PCDHGA9: variants seen among roughly 807,000 people sequenced by gnomAD.
PCDHGA9 encodes protocadherin gamma subfamily A, 9.
In PCDHGA9, 37 loss-of-function variants were observed where a neutral mutation model predicts 62.5. The observed-to-expected ratio is 0.59, with a 90% CI of 0.46 to 0.78. The LOEUF is 0.78. PCDHGA9 is among the 30% of genes least tolerant of loss of function. The pLI is 0.00. For missense variants in PCDHGA9, 1,138 were observed against 1,166.2 expected, an observed-to-expected ratio of 0.98 and a Z score of 0.35; for synonymous variants, 459 against 484.6, an observed-to-expected ratio of 0.95 and a Z score of 0.69.
At chr5:141,412,591 A>G (rs2095564760) in intron 1 of PCDHGA9, 1 of 152,214 alleles carries the variant, frequency 6.6e-6, no homozygotes, top group Non-Finnish European at 1.5e-5. Flanking sequence ...ATGAATGTAT[A>G]CTAAATAAAA....
intron 1 of PCDHGA9, chr5:141,408,352 C>T: frequency 6.2e-7 from 1 of 1,613,918 alleles, no homozygotes; most frequent in South Asian, 1.1e-5. Flanking sequence ...TGGGGAACCT[C>T]GCTAAGGATC....
At chr5:141,450,599 G>T (rs569531886) in intron 1 of PCDHGA9, among the ~76,000 whole-genome samples, 11 of 150,286 alleles carry the variant, frequency 7.3e-5, no homozygotes, top group African/African-American at 2.7e-4. Flanking sequence ...CAATTCTCCT[G>T]CCTCAGCCTC....
intron 1 of PCDHGA9, chr5:141,423,189 T>A (rs2096719374): frequency 1.2e-6 from 2 of 1,613,562 alleles, no homozygotes; most frequent in Non-Finnish European, 8.5e-7. Flanking sequence ...GCCAGCCCCC[T>A]CTCTCGGCCA....
chr5:141,418,928 A>G, intron 1 of PCDHGA9: 1 of 1,613,978 alleles, frequency 6.2e-7, no homozygotes, highest in Non-Finnish European at 8.5e-7. Context: ...TGATCAGATT[A>G]TGGAGGATTC....
intron 1 of PCDHGA9, chr5:141,420,902 A>T (rs1202945278): frequency 3.4e-6 from 1 of 293,976 alleles, no homozygotes; most frequent in Non-Finnish European, 6.3e-6. Context: ...TAAGCTCTAC[A>T]AATACGTGTG....
chr5:141,418,178 G>A, intron 1 of PCDHGA9: 1 of 1,614,080 alleles, frequency 6.2e-7, no homozygotes, highest in Non-Finnish European at 8.5e-7. Flanking sequence ...GTTGCAATTG[G>A]AAGCTGTGGT....
chr5:141,489,894 G>A lies in PCDHGA9; in HGVS notation c.2425-4913G>A, dbSNP rs942456058. 33 of 1,614,204 alleles carry A rather than the reference G, an allele frequency of 2.0e-5. No individual in the cohort carries two copies. The highest frequency in any genetic ancestry group is 2.4e-5 in the Non-Finnish European group (28 of 1,180,028). Reference sequence around the variant, plus strand: ...TGGTGCTTACTGCTGTGGATGGGGGGACCCCAGCCCGCTCAGGGACCACCC... The same window carrying A: ...TGGTGCTTACTGCTGTGGATGGGGGAACCCCAGCCCGCTCAGGGACCACCC... On this transcript the variant is annotated intron_variant, in intron 1 of 3. Coordinates refer to ENST00000573521, the MANE Select transcript of PCDHGA9 (RefSeq NM_018921.3). This position sits in a 1 kb window ranked among gnomAD's most constrained non-coding sequence, Gnocchi z 4.5.
At chr5:141,422,007 T>A in intron 1 of PCDHGA9, 1 of 1,609,966 alleles carries the variant, frequency 6.2e-7, no homozygotes, top group Non-Finnish European at 8.5e-7. Context: ...GCTCCGGAAC[T>A]CGGGTGCTGA....
chr5:141,483,456 G>T (rs2099581503), intron 1 of PCDHGA9, among the ~76,000 whole-genome samples: 1 of 152,180 alleles, frequency 6.6e-6, no homozygotes, highest in Admixed American at 6.5e-5. Context: ...ATCAGGACTT[G>T]TTGATTGACA....
At chr5:141,472,359 G>T (rs2099278248) in intron 1 of PCDHGA9, among the ~76,000 whole-genome samples, 1 of 151,944 alleles carries the variant, frequency 6.6e-6, no homozygotes, top group Admixed American at 6.6e-5. Flanking sequence ...GGCTAACACG[G>T]TGAAACCCCG....
At chr5:141,408,202 G>C (rs778320550) in intron 1 of PCDHGA9, 8 of 1,549,950 alleles carry the variant, frequency 5.2e-6, no homozygotes, top group South Asian at 3.6e-5. Context: ...CCGAGCGAAC[G>C]ATGGGAGGGA....
At chr5:141,413,338 G>A in intron 1 of PCDHGA9, 1 of 1,613,980 alleles carries the variant, frequency 6.2e-7, no homozygotes, top group African/African-American at 1.3e-5. Context: ...CATCTCCAAG[G>A]ACTTGGGTCT....
At chr5:141,409,755 G>C (rs2095312141) in intron 1 of PCDHGA9, 1 of 1,613,024 alleles carries the variant, frequency 6.2e-7, no homozygotes, top group Non-Finnish European at 8.5e-7. Flanking sequence ...TTCGCGCAGC[G>C]CGCCTTTGAT....
chr5:141,484,883 G>GCC (rs1231530221), intron 1 of PCDHGA9: 2 of 352,506 alleles, frequency 5.7e-6, no homozygotes, highest in Admixed American at 9.0e-5. Flanking sequence ...GATAGGGTGG[G>GCC]CTTTTTCCCC....
At chr5:141,456,897 A>G (rs1351271896) in intron 1 of PCDHGA9, among the ~76,000 whole-genome samples, 2 of 152,178 alleles carry the variant, frequency 1.3e-5, no homozygotes, top group Admixed American at 1.3e-4. Context: ...CGGGAGGCAG[A>G]GGTTGCAGTG....
At chr5:141,497,077 G>A (rs191605427) in intron 2 of PCDHGA9, among the ~76,000 whole-genome samples, 4 of 151,990 alleles carry the variant, frequency 2.6e-5, no homozygotes, top group East Asian at 3.9e-4. Flanking sequence ...TAATCCCAGC[G>A]ACTTAGGAGG....
rs1421497518 is a variant in PCDHGA9 at position 141,431,979 on chromosome 5, A to G, written c.2424+26603A>G. ...GGAAATTACTATAGTTTAGTCACAGACATAGTCTTGGATAGGGAACAGGTT... is the reference window on the plus strand; with the variant it reads ...GGAAATTACTATAGTTTAGTCACAGGCATAGTCTTGGATAGGGAACAGGTT... On this transcript the variant is annotated intron_variant, in intron 1 of 3. Coordinates refer to ENST00000573521, the MANE Select transcript of PCDHGA9 (RefSeq NM_018921.3). This position sits in a 1 kb window ranked among gnomAD's most constrained non-coding sequence, Gnocchi z 4.8. 6.2e-7 allele frequency: 1 copy of G among 1,614,078 alleles called. No homozygotes were observed. The highest frequency in any genetic ancestry group is 1.3e-5 in the African/African-American group (1 of 74,932).
At position 141,431,413 on chromosome 5, in the gene PCDHGA9, C is replaced by A; in HGVS notation, c.2424+26037C>A. ...TGGTCCTTACGGCCTCCGACGGGGG[C>A]GACCCGGTGCGCACAGGCACCGCGC... On this transcript the variant is annotated intron_variant, in intron 1 of 3. Transcript: ENST00000573521. This position sits in a 1 kb window ranked among gnomAD's most constrained non-coding sequence, Gnocchi z 4.8. The A allele has an allele frequency of 6.2e-7, 1 of 1,613,682 alleles. No homozygotes were observed. Among genetic ancestry groups the A allele is most frequent in the Non-Finnish European group, 8.5e-7 (1 of 1,180,044 alleles).
chr5:141,475,572 C>T (rs2099365596), intron 1 of PCDHGA9, among the ~76,000 whole-genome samples: 1 of 152,214 alleles, frequency 6.6e-6, no homozygotes, highest in South Asian at 2.1e-4. Context: ...TTCCAACAAG[C>T]CAGATTTGTT....
Sources: allele counts gnomAD v4.1 joint callset (sites outside exome capture counted in the v4.1 genomes callset), GRCh38; gene constraint gnomAD v4.1.1; non-coding constraint Gnocchi (gnomAD v3.1); transcripts MANE v1.5; gene names NCBI Gene and HGNC (gene_info 2026-07-23, HGNC 2026-07-21).